Variants in SLC26A5 observed in about 807,000 individuals in gnomAD.
The protein encoded by SLC26A5 is prestin.
Under a neutral mutation model 81.0 loss-of-function variants are expected in SLC26A5, and 51 were observed. That is an observed-to-expected ratio of 0.63 (90% CI 0.50 to 0.80). The LOEUF (loss-of-function observed/expected upper bound fraction) is 0.80. Ranked by LOEUF, SLC26A5 falls within the 30% of genes least tolerant of loss-of-function variation. SLC26A5 has a pLI of 0.00. For missense variants in SLC26A5, 771 were observed against 905.8 expected (o/e 0.85, Z 1.91); for synonymous variants, 325 against 332.8 (o/e 0.98, Z 0.25).
At chr7:103,439,753 C>A (rs73175871) in intron 2 of SLC26A5, among the ~76,000 whole-genome samples, 1 of 152,130 alleles carries the variant, frequency 6.6e-6, no homozygotes, top group Non-Finnish European at 1.5e-5. Context: ...AGGCTGGTCT[C>A]GGACTCCTGG....
At chr7:103,432,482 C>T (rs898665803) in intron 2 of SLC26A5, among the ~76,000 whole-genome samples, 1 of 152,094 alleles carries the variant, frequency 6.6e-6, no homozygotes, top group East Asian at 1.9e-4. Context: ...ACTTTTGGCT[C>T]TAATACATTA....
intron 14 of SLC26A5, among the ~76,000 whole-genome samples, chr7:103,381,589 T>C (rs920262959): frequency 4.1e-5 from 6 of 147,964 alleles, no homozygotes; most frequent in Admixed American, 2.0e-4. Flanking sequence ...CACACACACA[T>C]GCATACACAC....
In SLC26A5 at chr7:103,401,210, T is replaced by A. The variant is rs184644326; in HGVS notation, c.889-3196A>T. ...ATTCTTCCTATCCATGAGCATGGAA[T>A]GTTTTTCCATTTGTTTGTGTCCTCT... On this transcript the variant is annotated intron_variant, in intron 8 of 19. Transcript: ENST00000306312. Among the ~76,000 whole-genome samples, 5 of 152,330 alleles carry A rather than the reference T, an allele frequency of 3.3e-5. No individual in the cohort carries two copies. In the East Asian group the frequency reaches 9.6e-4, roughly 29 times the overall value.
At position 103,410,541 on chromosome 7, in the gene SLC26A5, T is replaced by C; in HGVS notation, c.579A>G (p.Leu193=). The part of the protein sequence containing the change: ...TLLSGIIQFC[L]GVCRFGFVAI... ...CCACAAATCCAAACCTACAGACACC[T>C]AGGCAAAACTATTTTTTTTTAATGA... The change falls in exon 7 of 20, where the codon CTA becomes CTG. Residue 193 remains leucine, a synonymous_variant. Transcript: ENST00000306312. 2 of 1,611,904 alleles carry C rather than the reference T, an allele frequency of 1.2e-6. No homozygotes were observed. The highest frequency in any genetic ancestry group is 1.7e-6 in the Non-Finnish European group (2 of 1,178,844).
At chr7:103,362,286 C>T in intron 19 of SLC26A5, 2 of 1,403,056 alleles carry the variant, frequency 1.4e-6, no homozygotes, top group South Asian at 1.6e-5. Context: ...CTCCCCTACT[C>T]CCACTGTTGT....
chr7:103,391,913 G>C lies in SLC26A5; in HGVS notation c.1120-178C>G, dbSNP rs1586254234. ...GGAATTATGGCATATTTTATAGTGA[G>C]AGGGGGGAACATTTTGAATTTTTAT... On this transcript the variant is annotated intron_variant, in intron 10 of 19. Coordinates refer to ENST00000306312, the MANE Select transcript of SLC26A5 (RefSeq NM_198999.3). 2.6e-5 allele frequency among the ~76,000 whole-genome samples: 4 copies of C among 152,354 alleles called. No individual in the cohort carries two copies. In the South Asian group the frequency reaches 8.3e-4, roughly 32 times the overall value.
At chr7:103,384,612 G>A (rs1227316476) in intron 14 of SLC26A5, among the ~76,000 whole-genome samples, 2 of 148,712 alleles carry the variant, frequency 1.3e-5, no homozygotes, top group Non-Finnish European at 2.9e-5. Context: ...GCATGACTCT[G>A]TCTTAAAAAA....
chr7:103,389,280 C>T (rs765612672), intron 13 of SLC26A5, 49 bp downstream of exon 13: 16 of 1,391,188 alleles, frequency 1.2e-5, no homozygotes, highest in Non-Finnish European at 1.6e-5. Context: ...TAGCACTAAT[C>T]ATATCTGCTC....
chr7:103,375,180 T>C (rs1821267590), intron 19 of SLC26A5, among the ~76,000 whole-genome samples: 1 of 150,100 alleles, frequency 6.7e-6, no homozygotes, highest in African/African-American at 2.4e-5. Context: ...ATATAAACTA[T>C]ATATAGATAA....
At chr7:103,416,281 T>C (rs1438654524) in intron 4 of SLC26A5, among the ~76,000 whole-genome samples, 1 of 152,264 alleles carries the variant, frequency 6.6e-6, no homozygotes, top group African/African-American at 2.4e-5. Context: ...ATGGGCCTTA[T>C]TGTGGGACAA....
intron 2 of SLC26A5, among the ~76,000 whole-genome samples, chr7:103,435,482 A>G (rs1157205695): frequency 6.6e-6 from 1 of 152,238 alleles, no homozygotes; most frequent in African/African-American, 2.4e-5. Context: ...CGAAATGAAC[A>G]TTAACAGCCT....
intron 19 of SLC26A5, chr7:103,366,194 G>T (rs1820708748): frequency 6.4e-7 from 1 of 1,557,580 alleles, no homozygotes; most frequent in Admixed American, 1.7e-5. Flanking sequence ...AACTGCTTTA[G>T]GATTCAGTTT....
At chr7:103,355,522 G>A (rs752538032) in intron 19 of SLC26A5, among the ~76,000 whole-genome samples, 15 of 151,446 alleles carry the variant, frequency 9.9e-5, no homozygotes, top group Non-Finnish European at 2.1e-4. Context: ...GGGTGGTGCT[G>A]CTGGCGTCTA....
chr7:103,426,076 C>T (rs1329429170), intron 2 of SLC26A5, among the ~76,000 whole-genome samples: 3 of 152,182 alleles, frequency 2.0e-5, no homozygotes, highest in Admixed American at 1.3e-4. Context: ...ACTATCTTTA[C>T]TTATGTGTGT....
intron 1 of SLC26A5, chr7:103,445,562 G>C (rs565639291): frequency 6.6e-6 from 1 of 152,384 alleles, no homozygotes; most frequent in East Asian, 1.9e-4. Flanking sequence ...CCCGGGGTTT[G>C]AGCCTTGCCC....
At chr7:103,399,131 A>C (rs1374428920) in intron 8 of SLC26A5, among the ~76,000 whole-genome samples, 2 of 152,218 alleles carry the variant, frequency 1.3e-5, no homozygotes, top group Non-Finnish European at 2.9e-5. Flanking sequence ...TTGACACTTA[A>C]AGGGAGTCAT....
chr7:103,396,373 C>G (rs942426016), intron 9 of SLC26A5, among the ~76,000 whole-genome samples: 3 of 152,168 alleles, frequency 2.0e-5, no homozygotes, highest in Non-Finnish European at 2.9e-5. Context: ...TATTTGCACA[C>G]CCATATCCAC....
Position 103,389,387 on chromosome 7 carries a change from C to T in SLC26A5, c.1349G>A (p.Gly450Glu), listed in dbSNP as rs1390837580. Residue 450 changes from glycine (G) to glutamate (E), a missense_variant, in exon 13 of 20, where the codon GGA (glycine) becomes GAA (glutamate). Coordinates refer to ENST00000306312, the MANE Select transcript of SLC26A5 (RefSeq NM_198999.3). The stretch of plus-strand genomic sequence containing the variant: ...GAGATCTGAGAACTGCATAAACATT[C>T]CCTTCAGGTTGACAATCACAATGGC... The part of the protein sequence containing the change: ...LSAIVIVNLK[G>E]MFMQFSDLPF... 1 of 1,614,082 alleles carries T rather than the reference C, an allele frequency of 6.2e-7. No homozygotes were observed. Among genetic ancestry groups the T allele is most frequent in the Admixed American group, 1.7e-5 (1 of 60,010 alleles).
rs1235197339 is a variant in SLC26A5, at chr7:103,438,264, T to C, written c.-54+4819A>G. Among the ~76,000 whole-genome samples, 3 of 152,334 alleles carry C rather than the reference T, an allele frequency of 2.0e-5. No individual in the cohort carries two copies. In the East Asian group the frequency reaches 5.8e-4, roughly 29 times the overall value. ...TAGTGGATATGTTAGCTTGATTTAA[T>C]AATTCTCCATTGTATACATATATCA... On this transcript the variant is annotated intron_variant, in intron 2 of 19. Coordinates refer to ENST00000306312, the MANE Select transcript of SLC26A5 (RefSeq NM_198999.3).
Sources: gnomAD v4.1 joint callset for allele counts (sites outside exome capture counted in the v4.1 genomes callset) on GRCh38, gnomAD v4.1.1 for gene constraint, MANE v1.5 for transcripts, NCBI Gene and HGNC (gene_info 2026-07-23, HGNC 2026-07-21) for gene names.